Variants in FREM1 observed in about 807,000 individuals in gnomAD.
FREM1 encodes FRAS1-related extracellular matrix protein 1.
A neutral mutation model predicts 210.1 loss-of-function variants in FREM1; 220 were observed. That is an observed-to-expected ratio of 1.05 (90% CI 0.94 to 1.17). FREM1 has a LOEUF of 1.17. Ranked by LOEUF, FREM1 falls within the 50% of genes most tolerant of loss-of-function variation. The probability of loss-of-function intolerance (pLI) is 0.00; values close to 1 mark genes in which losing one functional copy is unlikely to be tolerated. For missense variants in FREM1, 3,454 were observed against 2,675.5 expected (o/e 1.29, Z -6.42); for synonymous variants, 1,189 against 980.2 (o/e 1.21, Z -3.98).
In FREM1 at chr9:14,819,220, T is replaced by C. The variant is rs766624056; in HGVS notation, c.2546+14A>G. ...CTAAAGCATGTAAATAAAAAAACCA[T>C]GAAATGTTCTAACCTAACTTTTAAG... On this transcript the variant is annotated intron_variant, in intron 14 of 36. Transcript: ENST00000380880. 3.2e-6 allele frequency: 5 copies of C among 1,561,514 alleles called. No individual in the cohort carries two copies. The South Asian group carries it at 5.9e-5, about 18-fold the overall frequency.
intron 5 of FREM1, among the ~76,000 whole-genome samples, chr9:14,856,790 T>C (rs1275955635): frequency 6.8e-6 from 1 of 148,108 alleles, no homozygotes; most frequent in Non-Finnish European, 1.5e-5. Context: ...CCGACATTAT[T>C]GCGCTACTGC....
At chr9:14,762,115 A>G (rs1845604244) in intron 27 of FREM1, among the ~76,000 whole-genome samples, 1 of 152,180 alleles carries the variant, frequency 6.6e-6, no homozygotes, top group Non-Finnish European at 1.5e-5. Flanking sequence ...ATTACAAGAT[A>G]ACAAACAACA....
At position 14,860,996 on chromosome 9, in the gene FREM1, T is replaced by TATACAC. The variant is rs1830165302; in HGVS notation, c.330-1513_330-1512insGTGTAT. ...ATACATATATACACATATATACATA[T>TATACAC]ATATACACATATATACATATATACA... On this transcript the variant is annotated intron_variant, in intron 3 of 36. Coordinates refer to ENST00000380880, the MANE Select transcript of FREM1 (RefSeq NM_001379081.2). Among the ~76,000 whole-genome samples the TATACAC allele has an allele frequency of 4.0e-5, 5 of 124,072 alleles. 1 individual carries two copies. The highest frequency in any genetic ancestry group is 1.6e-4 in the African/African-American group (4 of 25,778). 81.4% of individuals were successfully genotyped at this position (124,072 alleles called of 152,430 possible).
At chr9:14,888,588 C>T (rs893748114) in intron 1 of FREM1, among the ~76,000 whole-genome samples, 4 of 152,194 alleles carry the variant, frequency 2.6e-5, no homozygotes, top group Non-Finnish European at 5.9e-5. Context: ...CAACTGCTTA[C>T]ACTACAAGCC....
intron 24 of FREM1, chr9:14,782,287 T>G: frequency 1.3e-6 from 1 of 786,580 alleles, no homozygotes; most frequent in Non-Finnish European, 1.5e-6. Context: ...TTTCTCTGGA[T>G]GCAAATTAGG....
At chr9:14,817,515 A>G (rs978055249) in intron 14 of FREM1, among the ~76,000 whole-genome samples, 4 of 152,158 alleles carry the variant, frequency 2.6e-5, no homozygotes, top group African/African-American at 9.7e-5. Flanking sequence ...TCTTGAAGGC[A>G]TTGTCTAATT....
At chr9:14,797,114 C>T (rs1405932706) in intron 21 of FREM1, among the ~76,000 whole-genome samples, 1 of 152,184 alleles carries the variant, frequency 6.6e-6, no homozygotes, top group African/African-American at 2.4e-5. Context: ...TAAGGACTGT[C>T]TGCAGTTAAT....
intron 18 of FREM1, among the ~76,000 whole-genome samples, chr9:14,806,210 A>C (rs1167030667): frequency 6.6e-6 from 1 of 152,132 alleles, no homozygotes; most frequent in African/African-American, 2.4e-5. Context: ...AGCATCAGCT[A>C]TAATAGTAAT....
chr9:14,773,716 A>G (rs567742024), intron 25 of FREM1, among the ~76,000 whole-genome samples: 3 of 151,898 alleles, frequency 2.0e-5, no homozygotes, highest in Non-Finnish European at 4.4e-5. Flanking sequence ...TCCAATAGAT[A>G]ACTCTCTTAC....
At chr9:14,804,680 G>A (rs1818033223) in intron 19 of FREM1, among the ~76,000 whole-genome samples, 1 of 152,190 alleles carries the variant, frequency 6.6e-6, no homozygotes, top group African/African-American at 2.4e-5. Context: ...CCCTAGGCAA[G>A]ATACAAGACA....
intron 35 of FREM1, among the ~76,000 whole-genome samples, 170 bp from the exon 36 acceptor site, chr9:14,740,404 T>G (rs1027332318): frequency 2.6e-5 from 4 of 152,028 alleles, no homozygotes; most frequent in Non-Finnish European, 5.9e-5. Context: ...ATCTGCAGGG[T>G]GGGGGTAGGT....
At chr9:14,847,195 C>T (rs979422996) in intron 7 of FREM1, among the ~76,000 whole-genome samples, 1 of 152,074 alleles carries the variant, frequency 6.6e-6, no homozygotes, top group African/African-American at 2.4e-5. Flanking sequence ...ACAGCAGTTG[C>T]ATCTTCTCCC....
chr9:14,768,225 GTCTGATCAACATTCCTATGTTT>G (rs1846810898), intron 27 of FREM1, among the ~76,000 whole-genome samples: 1 of 150,204 alleles, frequency 6.7e-6, no homozygotes. Context: ...TCAGTAGCAA[GTCTGATCAACATTCCTATGTTT>G]TCTTACTTGA....
Position 14,851,553 on chromosome 9 carries a change from G to T in FREM1, c.883C>A (p.Pro295Thr). 1.2e-6 allele frequency: 2 copies of T among 1,613,970 alleles called. No homozygotes were observed. The highest frequency in any genetic ancestry group is 8.5e-7 in the Non-Finnish European group (1 of 1,179,852). The change falls in exon 6 of 37, where the codon CCA becomes ACA. Residue 295 changes from proline to threonine, a missense_variant. Pro to Thr is a conservative substitution (Grantham distance 38). Transcript: ENST00000380880. ...AACACGGCCATGAATGCAGCCTTTGGAATCTGATTCGGAATTCCAGCTCTG... is the reference window on the plus strand; with the variant it reads ...AACACGGCCATGAATGCAGCCTTTGTAATCTGATTCGGAATTCCAGCTCTG... ...YIRAGIPNQIPKAAFMAVFIL... is the reference protein window; with the variant it reads ...YIRAGIPNQITKAAFMAVFIL...
Position 14,801,877 on chromosome 9 carries a change from G to T in FREM1, c.3472-3C>A, listed in dbSNP as rs372610450. 9 of 1,594,132 alleles carry T rather than the reference G, an allele frequency of 5.6e-6. No individual in the cohort carries two copies. Among genetic ancestry groups the T allele is most frequent in the South Asian group, 1.1e-5 (1 of 88,336 alleles). ...TCTTTCATCTGACCCTCACACACCT[G>T]AGCAAGAACACATGAGAAAAGTCAA... On this transcript the variant is annotated splice_polypyrimidine_tract_variant and splice_region_variant and intron_variant, in intron 19 of 36. Coordinates refer to ENST00000380880, the MANE Select transcript of FREM1 (RefSeq NM_001379081.2).
chr9:14,838,036 C>G (rs950888424), intron 10 of FREM1, among the ~76,000 whole-genome samples: 6 of 152,176 alleles, frequency 3.9e-5, no homozygotes, highest in African/African-American at 1.2e-4. Flanking sequence ...AAATGATTTG[C>G]CCCAGGGAGC....
chr9:14,876,905 C>T (rs989674103), intron 1 of FREM1, among the ~76,000 whole-genome samples: 2 of 152,174 alleles, frequency 1.3e-5, no homozygotes, highest in Non-Finnish European at 2.9e-5. Context: ...CGCAACAGCA[C>T]ATTCAGGGAG....
intron 19 of FREM1, among the ~76,000 whole-genome samples, chr9:14,803,961 G>T (rs1393703296): frequency 6.6e-6 from 1 of 152,120 alleles, no homozygotes; most frequent in African/African-American, 2.4e-5. Flanking sequence ...CATAGAGCTT[G>T]ACTAAAACGT....
In FREM1 at chr9:14,788,981, C is replaced by T. The variant is rs748552869; in HGVS notation, c.4115G>A (p.Trp1372Ter). Residue 1372 changes from tryptophan to a stop codon, truncating the protein, a stop_gained, in exon 23 of 37, where the codon TGG (tryptophan) becomes TAG (stop). Transcript: ENST00000380880. LOFTEE classifies it high-confidence loss of function. ...QNQDSFTFYL[W>*]DGNNRSPALD... The stretch of plus-strand genomic sequence containing the variant: ...AGCAGGGGACCTGTTGTTGCCATCC[C>T]AAAGGTAGAAGGTGAAGCTATCTTG... The T allele has an allele frequency of 1.9e-6, 3 of 1,613,054 alleles. No individual in the cohort carries two copies. The South Asian group carries it at 3.3e-5, about 18-fold the overall frequency.
Sources: allele counts gnomAD v4.1 joint callset (sites outside exome capture counted in the v4.1 genomes callset), GRCh38; gene constraint gnomAD v4.1.1; transcripts MANE v1.5; gene names NCBI Gene and HGNC (gene_info 2026-07-23, HGNC 2026-07-21).